The following COL4A3 variants were observed in gnomAD, a reference collection of about 807,000 sequenced individuals.
The protein encoded by COL4A3 is collagen type IV alpha 3 chain.
Under a neutral mutation model 217.4 loss-of-function variants are expected in COL4A3, and 135 were observed. The observed-to-expected ratio is 0.62, with a 90% CI of 0.54 to 0.72. COL4A3 has a LOEUF of 0.72. Ranked by LOEUF, COL4A3 falls within the 30% of genes least tolerant of loss-of-function variation. The pLI, the probability that COL4A3 is intolerant of heterozygous loss-of-function variation, is 0.00. For synonymous variants in COL4A3, 690 were observed against 736.3 expected, an observed-to-expected ratio of 0.94 and a Z score of 1.02; for missense variants, 1,868 against 2,119.9, an observed-to-expected ratio of 0.88 and a Z score of 2.33.
At chr2:227,178,039 CG>C (rs1253380397) in intron 1 of COL4A3, among the ~76,000 whole-genome samples, 1 of 152,064 alleles carries the variant, frequency 6.6e-6, no homozygotes, top group Non-Finnish European at 1.5e-5. Flanking sequence ...CTGAGATCTA[CG>C]GTAAGAACAA....
chr2:227,196,677 G>A (rs1431823704), intron 1 of COL4A3, among the ~76,000 whole-genome samples: 1 of 152,116 alleles, frequency 6.6e-6, no homozygotes, highest in South Asian at 2.1e-4. Flanking sequence ...ATACAAACAC[G>A]ATTGCGTTAT....
At chr2:227,199,185 T>A (rs1207718311) in intron 1 of COL4A3, among the ~76,000 whole-genome samples, 1 of 152,140 alleles carries the variant, frequency 6.6e-6, no homozygotes, top group East Asian at 1.9e-4. Context: ...GGCCTTTGAG[T>A]GAGATGTTTA....
chr2:227,289,156 C>T lies in COL4A3; in HGVS notation c.2888C>T (p.Ala963Val). ...DKGEPGLKGF[A>V]GNPGEKGNRG... ...ACCTGGTTTCTAACTTCAGGATTCG[C>T]AGGAAATCCAGGTGAGAAAGGAAAC... The change falls in exon 35 of 52, where the codon GCA (alanine) becomes GTA (valine). Residue 963 changes from alanine (A) to valine (V), a missense_variant. By Grantham distance (64) the Ala-to-Val change is moderately conservative. Coordinates refer to ENST00000396578, the MANE Select transcript of COL4A3 (RefSeq NM_000091.5). 1.2e-6 allele frequency: 2 copies of T among 1,612,964 alleles called. No individual in the cohort carries two copies. The highest frequency in any genetic ancestry group is 1.1e-5 in the South Asian group (1 of 90,828).
chr2:227,194,440 A>G (rs1449858008), intron 1 of COL4A3, among the ~76,000 whole-genome samples: 2 of 152,128 alleles, frequency 1.3e-5, no homozygotes, highest in Admixed American at 1.3e-4. Flanking sequence ...GAGCCAGGAA[A>G]GTAGAGGCCC....
intron 1 of COL4A3, among the ~76,000 whole-genome samples, chr2:227,206,862 T>C (rs1389185832): frequency 2.6e-5 from 4 of 152,162 alleles, no homozygotes; most frequent in Admixed American, 2.0e-4. Context: ...CATCACCCCA[T>C]TTTCTAGATG....
chr2:227,250,151 A>G lies in COL4A3; in HGVS notation c.547-989A>G, dbSNP rs2069643171. 6.6e-6 allele frequency among the ~76,000 whole-genome samples: 1 copy of G among 152,064 alleles called. No homozygotes were observed. The highest frequency in any genetic ancestry group is 1.5e-5 in the Non-Finnish European group (1 of 68,000). ...AACACGCTGAAACTCCATCTCTACT[A>G]AAGACACAAAAATTAGCCAGGTGTG... On this transcript the variant is annotated intron_variant, in intron 9 of 51. Transcript: ENST00000396578. This position sits in a 1 kb window ranked among gnomAD's most constrained non-coding sequence, Gnocchi z 4.1.
At position 227,209,740 on chromosome 2, in the gene COL4A3, G is replaced by A. The variant is rs533370374; in HGVS notation, c.88-28228G>A. Reference sequence around the variant, plus strand: ...GCCTGTAATTCCAGCTACTCTGGAGGTTGATGCAGGAGAATCACTTGAACC... The same window carrying A: ...GCCTGTAATTCCAGCTACTCTGGAGATTGATGCAGGAGAATCACTTGAACC... On this transcript the variant is annotated intron_variant, in intron 1 of 51. Coordinates refer to ENST00000396578, the MANE Select transcript of COL4A3 (RefSeq NM_000091.5). 9.2e-5 allele frequency among the ~76,000 whole-genome samples: 14 copies of A among 152,330 alleles called. No homozygotes were observed. In the South Asian group the frequency reaches 2.9e-3, roughly 32 times the overall value.
At position 227,294,946 on chromosome 2, in the gene COL4A3, T is replaced by A; in HGVS notation, c.3419-18T>A. On this transcript the variant is annotated intron_variant, in intron 39 of 51. Transcript: ENST00000396578. Reference sequence around the variant, plus strand: ...ATACCATAGTTTGGGGTTTTTGGGTTTTTTTTTTTTTTTTCAGGTCTTCCA... The same window carrying A: ...ATACCATAGTTTGGGGTTTTTGGGTATTTTTTTTTTTTTTCAGGTCTTCCA... 2.7e-6 allele frequency: 1 copy of A among 374,394 alleles called. No individual in the cohort carries two copies. The highest frequency in any genetic ancestry group is 1.7e-4 in the East Asian group (1 of 5,950). 23.2% of individuals were successfully genotyped at this position (374,394 alleles called of 1,614,324 possible).
At chr2:227,297,912 CAA>C in intron 42 of COL4A3, 53 bp downstream of exon 42, 5 of 1,534,094 alleles carry the variant, frequency 3.3e-6, no homozygotes, top group African/African-American at 1.4e-5. Flanking sequence ...TGTTTGACCT[CAA>C]AAGTTTTCAA....
At chr2:227,183,941 C>G (rs1330137519) in intron 1 of COL4A3, among the ~76,000 whole-genome samples, 1 of 152,232 alleles carries the variant, frequency 6.6e-6, no homozygotes, top group African/African-American at 2.4e-5. Context: ...ATTCTCACAA[C>G]AGCCCTGGGG....
rs776062774 is a variant in COL4A3, at chr2:227,246,749, A to G, written c.441+11A>G. 1.9e-6 allele frequency: 3 copies of G among 1,608,196 alleles called. No homozygotes were observed. Among genetic ancestry groups the G allele is most frequent in the Non-Finnish European group, 2.6e-6 (3 of 1,174,652 alleles). On this transcript the variant is annotated intron_variant, in intron 7 of 51. Transcript: ENST00000396578. Reference sequence around the variant, plus strand: ...TACCCAGGGATCCCGGTAGGTTTGCATGCCTAATTCCCCAACAAAGACATA... The same window carrying G: ...TACCCAGGGATCCCGGTAGGTTTGCGTGCCTAATTCCCCAACAAAGACATA...
chr2:227,216,342 A>C (rs1025859806), intron 1 of COL4A3, among the ~76,000 whole-genome samples: 1 of 152,202 alleles, frequency 6.6e-6, no homozygotes, highest in African/African-American at 2.4e-5. Flanking sequence ...CTTTCCTGTC[A>C]ATTTCAGTTA....
chr2:227,177,207 T>G (rs2065706496), intron 1 of COL4A3, among the ~76,000 whole-genome samples: 1 of 150,524 alleles, frequency 6.6e-6, no homozygotes, highest in Admixed American at 6.6e-5. Context: ...TGGAGTGCAG[T>G]GGCGCCATCT....
chr2:227,220,136 A>ATGCGTGTGTGTG (rs1553743818), intron 1 of COL4A3, among the ~76,000 whole-genome samples: 1 of 127,088 alleles, frequency 7.9e-6, no homozygotes, highest in Non-Finnish European at 1.6e-5. Flanking sequence ...AGGCGGTTTT[A>ATGCGTGTGTGTG]TGTGTGTGTG....
At chr2:227,246,966 G>C in intron 7 of COL4A3, 1 of 650,990 alleles carries the variant, frequency 1.5e-6, no homozygotes, top group Non-Finnish European at 2.9e-6. Context: ...AGATGCATGA[G>C]AGGTACTTGG....
intron 21 of COL4A3, chr2:227,265,124 A>G (rs2070810364): frequency 6.6e-6 from 1 of 152,260 alleles, no homozygotes; most frequent in Non-Finnish European, 1.5e-5. Flanking sequence ...CCCAGTATGT[A>G]GCATGGGGAA....
Position 227,253,663 on chromosome 2 carries a change from T to C in COL4A3, c.765+25T>C, listed in dbSNP as rs746846185. On this transcript the variant is annotated intron_variant, in intron 13 of 51. Transcript: ENST00000396578. This position sits in a 1 kb window ranked among gnomAD's most constrained non-coding sequence, Gnocchi z 4.4. ...GGTAACTCTGCGATTTTATGATTAG[T>C]GTTGTGCCTTCCCGTGTCTAGGATG... is the stretch of plus-strand genomic sequence containing the variant. The C allele has an allele frequency of 2.5e-6, 4 of 1,586,780 alleles. No homozygotes were observed. In the East Asian group the frequency reaches 8.9e-5, roughly 35 times the overall value.
intron 21 of COL4A3, 73 bp from the exon 22 acceptor site, chr2:227,266,344 T>C: frequency 5.5e-6 from 6 of 1,099,928 alleles, no homozygotes; most frequent in Non-Finnish European, 6.8e-6. Context: ...TTTTAAATAA[T>C]ACATATATTA....
chr2:227,224,577 C>A (rs2067985445), intron 1 of COL4A3, among the ~76,000 whole-genome samples: 1 of 152,028 alleles, frequency 6.6e-6, no homozygotes, highest in Non-Finnish European at 1.5e-5. Context: ...ATGGTGAAAC[C>A]CTGTCTCTAC....
Sources: gnomAD v4.1 joint callset for allele counts (sites outside exome capture counted in the v4.1 genomes callset) on GRCh38, gnomAD v4.1.1 for gene constraint, Gnocchi (gnomAD v3.1) non-coding constraint, MANE v1.5 for transcripts, NCBI Gene and HGNC (gene_info 2026-07-23, HGNC 2026-07-21) for gene names.